Variants in CAMTA1 observed in about 807,000 individuals in gnomAD.
The protein encoded by CAMTA1 is calmodulin binding transcription activator 1.
A neutral mutation model predicts 170.9 loss-of-function variants in CAMTA1; 27 were observed. The observed-to-expected ratio is 0.16, with a 90% CI of 0.12 to 0.22. CAMTA1 has a LOEUF of 0.22. Ranked by LOEUF, CAMTA1 falls within the 10% of genes least tolerant of loss-of-function variation. The probability of loss-of-function intolerance (pLI) is 1.00; values close to 1 mark genes in which losing one functional copy is unlikely to be tolerated. For missense variants in CAMTA1, 1,619 were observed against 2,217.2 expected, an observed-to-expected ratio of 0.73 and a Z score of 5.42; for synonymous variants, 833 against 891.5, an observed-to-expected ratio of 0.93 and a Z score of 1.17.
rs186476727 is a variant in CAMTA1, at chr1:6,892,653, A to G, written c.234+67443A>G. On this transcript the variant is annotated intron_variant, in intron 3 of 22. Transcript: ENST00000303635. ...GGGTAGATGCTTTTATATAAATTCT[A>G]TACCTGTTTCTGTGGTATAAAAATC... Among the ~76,000 whole-genome samples, 654 of 116,136 alleles carry G rather than the reference A, an allele frequency of 5.6e-3. 5 individuals carry two copies. The highest frequency in any genetic ancestry group is 8.6e-3 in the Non-Finnish European group (495 of 57,332). The allele number at this position is 116,136 out of a possible 152,430, so 76.2% of individuals were successfully genotyped here. A position where few individuals can be genotyped will look rare whatever the true frequency, so the allele number is the denominator to read the frequency against.
At chr1:6,786,793 T>C (rs1192102921) in intron 1 of CAMTA1, among the ~76,000 whole-genome samples, 1 of 152,044 alleles carries the variant, frequency 6.6e-6, no homozygotes, top group East Asian at 1.9e-4. Flanking sequence ...TGGGTGAGAG[T>C]GGGCGCCCCA....
chr1:7,594,242 A>AAGGGAGGAAGGAAGGAAGG (rs59901874), intron 6 of CAMTA1, among the ~76,000 whole-genome samples: 2 of 123,892 alleles, frequency 1.6e-5, no homozygotes, highest in East Asian at 5.3e-4. Context: ...AGGAAGGAAG[A>AAGGGAGGAAGGAAGGAAGG]AAGAAAAGAA....
chr1:7,332,499 C>A (rs1343013094), intron 5 of CAMTA1, among the ~76,000 whole-genome samples: 1 of 152,086 alleles, frequency 6.6e-6, no homozygotes, highest in African/African-American at 2.4e-5. Context: ...AGAATTGTAC[C>A]CTTGGAATTT....
At chr1:7,675,417 A>G (rs2096107992) in intron 10 of CAMTA1, among the ~76,000 whole-genome samples, 1 of 152,168 alleles carries the variant, frequency 6.6e-6, no homozygotes, top group Admixed American at 6.5e-5. Flanking sequence ...GATCTAAATG[A>G]TGTCTTTAAA....
chr1:6,877,955 C>G (rs561705469), intron 3 of CAMTA1, among the ~76,000 whole-genome samples: 1 of 152,308 alleles, frequency 6.6e-6, no homozygotes, highest in Admixed American at 6.5e-5. Context: ...ATAGTAGATA[C>G]TCAGCAAACA....
At chr1:7,705,369 G>C (rs938301832) in intron 11 of CAMTA1, among the ~76,000 whole-genome samples, 1 of 151,392 alleles carries the variant, frequency 6.6e-6, no homozygotes, top group Non-Finnish European at 1.5e-5. Flanking sequence ...CGTGAGGGGC[G>C]CGCGTGTTTG....
intron 5 of CAMTA1, among the ~76,000 whole-genome samples, chr1:7,358,189 C>T (rs959915262): frequency 6.6e-6 from 1 of 152,220 alleles, no homozygotes; most frequent in African/African-American, 2.4e-5. Context: ...AAAAGCCCCA[C>T]GTCCTCCCTT....
intron 11 of CAMTA1, among the ~76,000 whole-genome samples, chr1:7,713,077 T>C (rs1186367868): frequency 6.6e-6 from 1 of 152,128 alleles, no homozygotes; most frequent in Admixed American, 6.5e-5. Flanking sequence ...AGAGGTTGGA[T>C]TAAAGAAGTG....
Position 7,427,609 on chromosome 1 carries a change from C to T in CAMTA1, c.439-40221C>T, listed in dbSNP as rs534315510. Reference sequence around the variant, plus strand: ...AATCCTTCCCAGCAGTGAGTGCATACGTATTTAATTTTCAATCTCTAGTCT... The same window carrying T: ...AATCCTTCCCAGCAGTGAGTGCATATGTATTTAATTTTCAATCTCTAGTCT... On this transcript the variant is annotated intron_variant, in intron 5 of 22. Transcript: ENST00000303635. Among the ~76,000 whole-genome samples the T allele has an allele frequency of 3.9e-5, 6 of 152,322 alleles. No homozygotes were observed. The East Asian group carries it at 5.8e-4, about 15-fold the overall frequency.
At chr1:7,204,468 T>C (rs1355590351) in intron 4 of CAMTA1, among the ~76,000 whole-genome samples, 2 of 152,194 alleles carry the variant, frequency 1.3e-5, no homozygotes, top group African/African-American at 4.8e-5. Context: ...TGTGAGTTTC[T>C]CCCATTGTTT....
At position 7,635,732 on chromosome 1, in the gene CAMTA1, C is replaced by T. The variant is rs759375762; in HGVS notation, c.511-4668C>T. ...GCTGAGCTGGTCCACCTGAGCCCATCTCGCCACCAGCAAAGCAGCTCAGCA... is the reference window on the plus strand; with the variant it reads ...GCTGAGCTGGTCCACCTGAGCCCATTTCGCCACCAGCAAAGCAGCTCAGCA... On this transcript the variant is annotated intron_variant, in intron 6 of 22. Transcript: ENST00000303635. This position sits in a 1 kb window ranked among gnomAD's most constrained non-coding sequence, Gnocchi z 4.4. Among the ~76,000 whole-genome samples, 3 of 152,166 alleles carry T rather than the reference C, an allele frequency of 2.0e-5. No homozygotes were observed. Among genetic ancestry groups the T allele is most frequent in the African/African-American group, 4.8e-5 (2 of 41,444 alleles).
chr1:6,968,950 C>A (rs1223112389), intron 3 of CAMTA1, among the ~76,000 whole-genome samples: 2 of 151,996 alleles, frequency 1.3e-5, no homozygotes, highest in African/African-American at 4.8e-5. Flanking sequence ...AGGCACGGGG[C>A]GAGGGGGTGT....
At chr1:7,715,382 G>GCATT (rs1405454765) in intron 11 of CAMTA1, among the ~76,000 whole-genome samples, 3 of 151,842 alleles carry the variant, frequency 2.0e-5, no homozygotes, top group Non-Finnish European at 4.4e-5. Context: ...TCTGCAGATT[G>GCATT]CATAGCCCCT....
chr1:7,077,063 G>A (rs2147982822), intron 3 of CAMTA1, among the ~76,000 whole-genome samples: 1 of 152,262 alleles, frequency 6.6e-6, no homozygotes, highest in Non-Finnish European at 1.5e-5. Context: ...GCCACCAGTG[G>A]CCTATAATCA....
At chr1:7,388,817 G>C (rs575679490) in intron 5 of CAMTA1, among the ~76,000 whole-genome samples, 21 of 152,318 alleles carry the variant, frequency 1.4e-4, no homozygotes, top group African/African-American at 3.8e-4. Context: ...TGTCCCATGG[G>C]GGGTTCAGAC....
intron 3 of CAMTA1, among the ~76,000 whole-genome samples, chr1:6,911,338 C>A (rs1352896358): frequency 6.6e-6 from 1 of 152,186 alleles, no homozygotes; most frequent in Non-Finnish European, 1.5e-5. Flanking sequence ...GTGTCAGCTC[C>A]TTCGACCTCC....
chr1:7,752,316 T>TA, intron 20 of CAMTA1, 143 bp from the exon 21 acceptor site: 2 of 710,692 alleles, frequency 2.8e-6, no homozygotes, highest in Non-Finnish European at 5.0e-6. Context: ...TCATCCCCCT[T>TA]CAGATTGTAT....
rs551572857 is a variant in CAMTA1, at chr1:6,827,080, A to C, written c.234+1870A>C. On this transcript the variant is annotated intron_variant, in intron 3 of 22. Coordinates refer to ENST00000303635, the MANE Select transcript of CAMTA1 (RefSeq NM_015215.4). ...TTATTTTCTTTCTGGACCTCAGTCC[A>C]CATACTCCCTTGGAGGCCAGAGGCT... 9.2e-5 allele frequency among the ~76,000 whole-genome samples: 14 copies of C among 152,376 alleles called. No homozygotes were observed. The East Asian group carries it at 2.3e-3, about 25-fold the overall frequency.
intron 5 of CAMTA1, among the ~76,000 whole-genome samples, chr1:7,276,679 T>G (rs1248184741): frequency 6.6e-6 from 1 of 152,124 alleles, no homozygotes; most frequent in African/African-American, 2.4e-5. Flanking sequence ...GTGTCCACTT[T>G]CACTGCTTCT....
Sources: gnomAD v4.1 joint callset for allele counts (sites outside exome capture counted in the v4.1 genomes callset) on GRCh38, gnomAD v4.1.1 for gene constraint, Gnocchi (gnomAD v3.1) non-coding constraint, MANE v1.5 for transcripts, NCBI Gene and HGNC (gene_info 2026-07-23, HGNC 2026-07-21) for gene names.